The following N4BP2L2 variants were observed in gnomAD, a reference collection of about 807,000 sequenced individuals.
N4BP2L2 encodes NEDD4 binding protein 2 like 2, also known as NEDD4-binding protein 2-like 2.
Under a neutral mutation model 56.2 loss-of-function variants are expected in N4BP2L2, and 50 were observed. The observed-to-expected ratio is 0.89, with a 90% CI of 0.71 to 1.13. N4BP2L2 has a LOEUF of 1.13. N4BP2L2 is among the 50% of genes most tolerant of loss of function. The pLI, the probability that N4BP2L2 is intolerant of heterozygous loss-of-function variation, is 0.00. For synonymous variants in N4BP2L2, 203 were observed against 223.6 expected (o/e 0.91, Z 0.82); for missense variants, 689 against 693.8 (o/e 0.99, Z 0.08).
chr13:32,482,527 T>C (rs1015128167), intron 6 of N4BP2L2, among the ~76,000 whole-genome samples: 3 of 151,750 alleles, frequency 2.0e-5, no homozygotes. Flanking sequence ...TTTTTTTTTT[T>C]TTGTATTTTT....
At chr13:32,538,742 A>G in exon 1 of N4BP2L2, 1 of 985,434 alleles carries the variant, frequency 1.0e-6, no homozygotes, top group Non-Finnish European at 1.2e-6. Flanking sequence ...GAGGGACTAA[A>G]AGCCCACCTC....
intron 6 of N4BP2L2, among the ~76,000 whole-genome samples, chr13:32,445,811 T>G (rs2076971515): frequency 6.6e-6 from 1 of 152,138 alleles, no homozygotes; most frequent in South Asian, 2.1e-4. Context: ...AGTTCATAGC[T>G]CCCTTTAACG....
At chr13:32,464,012 A>T (rs1287217015) in intron 6 of N4BP2L2, among the ~76,000 whole-genome samples, 1 of 152,020 alleles carries the variant, frequency 6.6e-6, no homozygotes, top group Non-Finnish European at 1.5e-5. Context: ...GAAATAAAAA[A>T]TAACAACAAC....
chr13:32,516,871 AT>A, exon 6 of N4BP2L2: 1 of 983,832 alleles, frequency 1.0e-6, no homozygotes, highest in Non-Finnish European at 1.2e-6. Context: ...AAGGCAGGGG[AT>A]GAATGACAAG....
chr13:32,534,144 A>C (rs1293916886), intron 2 of N4BP2L2, among the ~76,000 whole-genome samples: 1 of 152,218 alleles, frequency 6.6e-6, no homozygotes, highest in East Asian at 1.9e-4. Context: ...TTTATATATG[A>C]AAATACTCTG....
intron 6 of N4BP2L2, among the ~76,000 whole-genome samples, chr13:32,462,397 C>T (rs1169868834): frequency 2.0e-5 from 3 of 152,040 alleles, no homozygotes; most frequent in African/African-American, 7.2e-5. Flanking sequence ...GAGCTGATCT[C>T]ATGGAGGTTG....
At chr13:32,501,621 T>C (rs1208785930) in intron 6 of N4BP2L2, among the ~76,000 whole-genome samples, 2 of 152,080 alleles carry the variant, frequency 1.3e-5, no homozygotes, top group African/African-American at 2.4e-5. Context: ...GAGACCATCC[T>C]GGCTAACATG....
chr13:32,464,817 A>G (rs2080917278), intron 6 of N4BP2L2, among the ~76,000 whole-genome samples: 1 of 152,222 alleles, frequency 6.6e-6, no homozygotes, highest in Non-Finnish European at 1.5e-5. Context: ...AGGCATACAA[A>G]TGGTCCAAAA....
chr13:32,448,787 G>C (rs372028631), intron 6 of N4BP2L2, among the ~76,000 whole-genome samples: 1 of 152,176 alleles, frequency 6.6e-6, no homozygotes, highest in East Asian at 1.9e-4. Context: ...TTATGATAAC[G>C]GGCAATAAAT....
At chr13:32,452,536 C>G (rs531941773) in intron 6 of N4BP2L2, among the ~76,000 whole-genome samples, 1 of 152,292 alleles carries the variant, frequency 6.6e-6, no homozygotes, top group South Asian at 2.1e-4. Flanking sequence ...ACTGGTTTAT[C>G]TCAAGATTGC....
intron 3 of N4BP2L2, chr13:32,522,778 G>C (rs1218866539): frequency 6.6e-6 from 1 of 152,200 alleles, no homozygotes; most frequent in African/African-American, 2.4e-5. Flanking sequence ...TAGGTGGTAA[G>C]AATATTTTCA....
chr13:32,517,986 ACACCATGTTTATT>A lies in N4BP2L2; in HGVS notation c.1555_1567del (p.Asn519CysfsTer22). ...CATCTGAGCAATCTTCTTTCGAGACACACCATGTTTATTCCTCCTAACAAAAAAGAAAAGGATT... is the reference window on the plus strand; with the variant it reads ...CATCTGAGCAATCTTCTTTCGAGACACCTCCTAACAAAAAAGAAAAGGATT... On this transcript the variant is annotated frameshift_variant, in exon 6 of 6. Coordinates refer to ENST00000267068, the Ensembl canonical transcript of N4BP2L2. LOFTEE classifies it high-confidence loss of function. 1 of 1,613,478 alleles carries A rather than the reference ACACCATGTTTATT, an allele frequency of 6.2e-7. No homozygotes were observed. The highest frequency in any genetic ancestry group is 1.1e-5 in the South Asian group (1 of 91,040).
exon 7 of N4BP2L2, chr13:32,444,071 T>G: frequency 6.3e-7 from 1 of 1,584,196 alleles, no homozygotes; most frequent in Non-Finnish European, 8.6e-7. Flanking sequence ...CTTTTTCTGT[T>G]CCTCTTCTGT....
At chr13:32,510,407 G>A (rs1566149355) in exon 6 of N4BP2L2, 1 of 151,138 alleles carries the variant, frequency 6.6e-6, no homozygotes, top group East Asian at 1.9e-4. Flanking sequence ...TAATTCAATG[G>A]AAAAAAATGT....
chr13:32,441,062 C>A (rs1224841828), intron 7 of N4BP2L2, among the ~76,000 whole-genome samples: 3 of 151,946 alleles, frequency 2.0e-5, no homozygotes, highest in Non-Finnish European at 4.4e-5. Flanking sequence ...GTCATGTTAG[C>A]CAGGCTGGTC....
exon 6 of N4BP2L2, chr13:32,517,162 A>G (rs924224623): frequency 4.5e-5 from 44 of 985,286 alleles, no homozygotes; most frequent in African/African-American, 2.1e-4. Context: ...ATGGGTTGAG[A>G]AGGAGGATGA....
At chr13:32,488,419 A>T (rs1297608073) in intron 6 of N4BP2L2, among the ~76,000 whole-genome samples, 2 of 152,162 alleles carry the variant, frequency 1.3e-5, no homozygotes, top group Admixed American at 1.3e-4. Flanking sequence ...GGGTAGAGGG[A>T]TGAGGATGCA....
At chr13:32,536,462 A>G (rs1217725963) in exon 2 of N4BP2L2, 4 of 1,613,026 alleles carry the variant, frequency 2.5e-6, no homozygotes, top group South Asian at 1.1e-5. Context: ...ACTGTTCTCA[A>G]AACCATCTTT....
chr13:32,521,250 TC>T, intron 5 of N4BP2L2, 122 bp downstream of exon 5: 2 of 732,772 alleles, frequency 2.7e-6, no homozygotes. Flanking sequence ...AGAAAAAAGG[TC>T]CTCACATTTT....
Sources: allele counts gnomAD v4.1 joint callset (sites outside exome capture counted in the v4.1 genomes callset), GRCh38; gene constraint gnomAD v4.1.1; transcripts MANE v1.5; gene names NCBI Gene and HGNC (gene_info 2026-07-23, HGNC 2026-07-21).